Variants in ENAH observed in about 807,000 individuals in gnomAD.
ENAH encodes ENAH actin regulator.
ENAH carries 23 observed loss-of-function variants against 78.7 expected under a neutral mutation model. The observed-to-expected ratio is 0.29, with a 90% confidence interval of 0.21 to 0.41. ENAH has a LOEUF of 0.41. Ranked by LOEUF, ENAH falls within the 10% of genes least tolerant of loss-of-function variation. ENAH has a pLI of 1.00. For missense variants in ENAH, 544 were observed against 691.0 expected, an observed-to-expected ratio of 0.79 and a Z score of 2.39; for synonymous variants, 226 against 241.0, an observed-to-expected ratio of 0.94 and a Z score of 0.58.
chr1:225,505,026 A>G, intron 11 of ENAH: 2 of 1,612,944 alleles, frequency 1.2e-6, no homozygotes, highest in Non-Finnish European at 1.7e-6. Flanking sequence ...TGTCAAAAAC[A>G]ATCTGATTTT....
chr1:225,618,433 G>C (rs1656201178), intron 1 of ENAH, among the ~76,000 whole-genome samples: 1 of 152,152 alleles, frequency 6.6e-6, no homozygotes, highest in African/African-American at 2.4e-5. Flanking sequence ...CAATCATCTA[G>C]TGGCCAATTT....
intron 1 of ENAH, among the ~76,000 whole-genome samples, chr1:225,614,573 G>C (rs1193521963): frequency 1.3e-5 from 2 of 152,092 alleles, no homozygotes; most frequent in Middle Eastern, 3.2e-3. Context: ...AGACATGACT[G>C]ATTAAATCAC....
chr1:225,527,224 G>C (rs1433492713), intron 4 of ENAH, among the ~76,000 whole-genome samples: 1 of 152,088 alleles, frequency 6.6e-6, no homozygotes, highest in East Asian at 1.9e-4. Flanking sequence ...TATAGAAAAA[G>C]GCCAGTTAAA....
intron 1 of ENAH, among the ~76,000 whole-genome samples, chr1:225,613,887 AG>A (rs1440654684): frequency 1.3e-5 from 2 of 152,152 alleles, no homozygotes; most frequent in Admixed American, 6.5e-5. Flanking sequence ...GATCAGTCCC[AG>A]AAGACCACCC....
chr1:225,617,319 TG>T (rs2148209876), intron 1 of ENAH, among the ~76,000 whole-genome samples: 1 of 152,276 alleles, frequency 6.6e-6, no homozygotes, highest in Admixed American at 6.5e-5. Flanking sequence ...TAAGCAAATA[TG>T]TAAGTGTACT....
intron 1 of ENAH, among the ~76,000 whole-genome samples, chr1:225,615,527 C>G (rs1016378088): frequency 6.6e-6 from 1 of 151,680 alleles, no homozygotes; most frequent in Non-Finnish European, 1.5e-5. Flanking sequence ...TGAGGAGCCC[C>G]TCTTCCCGGC....
At chr1:225,551,922 AAGAC>A (rs997159711) in intron 3 of ENAH, among the ~76,000 whole-genome samples, 1 of 152,154 alleles carries the variant, frequency 6.6e-6, no homozygotes, top group African/African-American at 2.4e-5. Flanking sequence ...TTTTGGAAGA[AAGAC>A]AGTAGATGAT....
intron 1 of ENAH, among the ~76,000 whole-genome samples, chr1:225,650,069 C>T (rs891452093): frequency 6.6e-6 from 1 of 152,138 alleles, no homozygotes; most frequent in African/African-American, 2.4e-5. Context: ...CAAAATATCC[C>T]AAAGAATATT....
intron 5 of ENAH, chr1:225,518,978 T>C (rs1275452027): frequency 1.4e-6 from 1 of 701,238 alleles, no homozygotes; most frequent in Non-Finnish European, 2.2e-6. Flanking sequence ...AGAATAAAAA[T>C]TTCCAAGAGC....
intron 12 of ENAH, among the ~76,000 whole-genome samples, chr1:225,498,964 G>A (rs974529078): frequency 1.3e-5 from 2 of 152,140 alleles, no homozygotes; most frequent in African/African-American, 4.8e-5. Context: ...GACCCATGCT[G>A]TCCAATACGG....
chr1:225,608,234 A>AAAAG, intron 1 of ENAH, among the ~76,000 whole-genome samples: 1 of 150,962 alleles, frequency 6.6e-6, no homozygotes. Flanking sequence ...AAAAAAAAAA[A>AAAAG]AAAAGACAAA....
At chr1:225,627,902 C>A (rs886090932) in intron 1 of ENAH, among the ~76,000 whole-genome samples, 1 of 139,616 alleles carries the variant, frequency 7.2e-6, no homozygotes, top group Non-Finnish European at 1.6e-5. Context: ...TTGTCCCCTA[C>A]CAACTTATAA....
intron 1 of ENAH, among the ~76,000 whole-genome samples, chr1:225,630,723 T>G (rs1658859116): frequency 6.6e-6 from 1 of 152,220 alleles, no homozygotes; most frequent in Non-Finnish European, 1.5e-5. Context: ...AGGGTTCCTA[T>G]TTAAAAAACT....
intron 3 of ENAH, 58 bp from the exon 4 acceptor site, chr1:225,530,696 G>A: frequency 7.7e-7 from 1 of 1,295,756 alleles, no homozygotes; most frequent in Non-Finnish European, 1.1e-6. Flanking sequence ...CTGGACAGAG[G>A]AGATAAAATC....
upstream of ENAH, among the ~76,000 whole-genome samples, chr1:225,653,549 G>T (rs1324515991): frequency 2.0e-5 from 3 of 151,236 alleles, no homozygotes; most frequent in Non-Finnish European, 4.4e-5. The surrounding 1 kb of genome is among the most constrained non-coding windows in gnomAD (Gnocchi z 4.3). Context: ...CCTCCCCCAC[G>T]GCCACGGTGC....
At chr1:225,562,527 G>C (rs1162610691) in intron 2 of ENAH, among the ~76,000 whole-genome samples, 1 of 119,570 alleles carries the variant, frequency 8.4e-6, no homozygotes, top group Non-Finnish European at 1.6e-5. Context: ...AGCTGAGATC[G>C]AGCCACTGCA....
rs151115752 is a variant in ENAH at position 225,548,956 on chromosome 1, T to C, written c.349+5950A>G. Among the ~76,000 whole-genome samples the C allele has an allele frequency of 1.5e-3, 223 of 151,878 alleles. 3 individuals carry two copies. The East Asian group carries it at 0.023, about 16-fold the overall frequency. On this transcript the variant is annotated intron_variant, in intron 3 of 13. Transcript: ENST00000366843. ...CCTCCGCCTCCCGGGTTCAAGCAAT[T>C]CTCCTGCATCGGCCTCCCGAGTAAT...
intron 7 of ENAH, among the ~76,000 whole-genome samples, chr1:225,513,562 T>A (rs2096393369): frequency 6.6e-6 from 1 of 152,248 alleles, no homozygotes; most frequent in African/African-American, 2.4e-5. Context: ...TATTCTATCA[T>A]GTTAACTTTC....
Position 225,494,341 on chromosome 1 carries a change from T to A in ENAH, c.*3434A>T, listed in dbSNP as rs2096239357. ...ATATGTAGGTTTTAAGAAATCAGCA[T>A]CATGTATAAACACTATACATATTTT... On this transcript the variant is annotated 3_prime_UTR_variant, in exon 14 of 14. Coordinates refer to ENST00000366843, the MANE Select transcript of ENAH (RefSeq NM_018212.6). 6.6e-6 allele frequency: 1 copy of A among 152,144 alleles called. No individual in the cohort carries two copies. Among genetic ancestry groups the A allele is most frequent in the South Asian group, 2.1e-4 (1 of 4,828 alleles). 9.4% of individuals were successfully genotyped at this position (152,144 alleles called of 1,614,324 possible). A position where few individuals can be genotyped will look rare whatever the true frequency, so the allele number is the denominator to read the frequency against.
Sources: allele counts gnomAD v4.1 joint callset (sites outside exome capture counted in the v4.1 genomes callset), GRCh38; gene constraint gnomAD v4.1.1; non-coding constraint Gnocchi (gnomAD v3.1); transcripts MANE v1.5; gene names NCBI Gene and HGNC (gene_info 2026-07-23, HGNC 2026-07-21).